Variants in PRRX1 observed in about 807,000 individuals in gnomAD.
PRRX1 encodes paired mesoderm homeobox protein 1.
A neutral mutation model predicts 24.0 loss-of-function variants in PRRX1; 8 were observed. That is an observed-to-expected ratio of 0.33 (90% CI 0.20 to 0.60). PRRX1 has a LOEUF of 0.60. Ranked by LOEUF, PRRX1 falls within the 20% of genes least tolerant of loss-of-function variation. The pLI, the probability that PRRX1 is intolerant of heterozygous loss-of-function variation, is 0.82. For synonymous variants in PRRX1, 160 were observed against 131.7 expected (o/e 1.22, Z -1.47); for missense variants, 281 against 322.4 (o/e 0.87, Z 0.98).
Position 170,736,370 on chromosome 1 carries a change from C to T in PRRX1, c.*184C>T. The T allele has an allele frequency of 1.3e-6, 1 of 754,648 alleles. No homozygotes were observed. The highest frequency in any genetic ancestry group is 2.7e-5 in the Admixed American group (1 of 36,542). 46.7% of individuals were successfully genotyped at this position (754,648 alleles called of 1,614,324 possible). On this transcript the variant is annotated 3_prime_UTR_variant, in exon 4 of 4. Coordinates refer to ENST00000239461, the MANE Select transcript of PRRX1 (RefSeq NM_022716.4). ...GAGGAGCAAAATGAAAATTAGTTAA[C>T]AAATGTTCCTCCTCCCTCTGGGATA...
In PRRX1 at chr1:170,739,055, G is replaced by A. The variant is rs1469518673; in HGVS notation, c.*2869G>A. On this transcript the variant is annotated 3_prime_UTR_variant, in exon 4 of 4. Coordinates refer to ENST00000239461, the MANE Select transcript of PRRX1 (RefSeq NM_022716.4). ...GTTTGGTATGTGATTTGGAAAAGAT[G>A]CCTTCTGGATCTTAAGCCAGTTGTC... 1.4e-5 allele frequency: 3 copies of A among 217,524 alleles called. No individual in the cohort carries two copies. The highest frequency in any genetic ancestry group is 6.8e-5 in the East Asian group (1 of 14,712). 13.5% of individuals were successfully genotyped at this position (217,524 alleles called of 1,614,324 possible).
chr1:170,720,676 G>T (rs1317960799), intron 2 of PRRX1, among the ~76,000 whole-genome samples: 3 of 152,182 alleles, frequency 2.0e-5, no homozygotes, highest in African/African-American at 2.4e-5. Flanking sequence ...AGCACTGATG[G>T]AGTGGGAAAT....
At chr1:170,689,503 C>A (rs1337636081) in intron 1 of PRRX1, among the ~76,000 whole-genome samples, 1 of 152,088 alleles carries the variant, frequency 6.6e-6, no homozygotes, top group Non-Finnish European at 1.5e-5. Context: ...TGAGAACATT[C>A]ATAAAGATGT....
At chr1:170,731,973 G>A (rs1427906354) in intron 3 of PRRX1, among the ~76,000 whole-genome samples, 1 of 152,160 alleles carries the variant, frequency 6.6e-6, no homozygotes, top group Admixed American at 6.5e-5. Context: ...TTTAGCCAAA[G>A]CCTAAAAACT....
intron 1 of PRRX1, among the ~76,000 whole-genome samples, chr1:170,672,818 G>A (rs770194889): frequency 1.3e-5 from 2 of 152,126 alleles, no homozygotes; most frequent in Non-Finnish European, 2.9e-5. Context: ...GTCTTCAAAG[G>A]GATTGTTAGA....
chr1:170,669,471 C>T (rs569793696), intron 1 of PRRX1: 2 of 71,640 alleles, frequency 2.8e-5, no homozygotes, highest in Admixed American at 2.8e-4. Context: ...AGCAGTGATG[C>T]GTTTCTATTC....
intron 1 of PRRX1, among the ~76,000 whole-genome samples, chr1:170,676,273 G>A (rs1653316100): frequency 6.6e-6 from 1 of 151,470 alleles, no homozygotes; most frequent in African/African-American, 2.4e-5. Flanking sequence ...ATTTTTCCTG[G>A]TATGATCGTT....
chr1:170,692,089 T>G (rs1654003287), intron 1 of PRRX1, among the ~76,000 whole-genome samples: 1 of 152,024 alleles, frequency 6.6e-6, no homozygotes, highest in South Asian at 2.1e-4. Flanking sequence ...AAATATAATA[T>G]CAAATGGAAA....
chr1:170,681,496 A>G (rs1653506417), intron 1 of PRRX1, among the ~76,000 whole-genome samples: 1 of 151,112 alleles, frequency 6.6e-6, no homozygotes, highest in Admixed American at 6.6e-5. Context: ...TATCTTTGCA[A>G]AAAAAAAAAC....
intron 1 of PRRX1, among the ~76,000 whole-genome samples, chr1:170,673,088 A>G (rs1386822385): frequency 6.6e-6 from 1 of 152,164 alleles, no homozygotes; most frequent in Non-Finnish European, 1.5e-5. Flanking sequence ...TTCATTTTAT[A>G]ATAGCTAAGT....
At chr1:170,671,097 A>C (rs1488948576) in intron 1 of PRRX1, among the ~76,000 whole-genome samples, 5 of 152,242 alleles carry the variant, frequency 3.3e-5, no homozygotes, top group African/African-American at 9.6e-5. Context: ...TGAATCCCCA[A>C]GATCCGAGTT....
intron 1 of PRRX1, among the ~76,000 whole-genome samples, chr1:170,672,321 A>G (rs1207633935): frequency 6.6e-6 from 1 of 152,182 alleles, no homozygotes; most frequent in East Asian, 1.9e-4. Context: ...CTGGAATAAT[A>G]TATATTTTGT....
intron 1 of PRRX1, among the ~76,000 whole-genome samples, chr1:170,703,213 TA>T (rs1365599194): frequency 1.3e-5 from 2 of 152,258 alleles, no homozygotes; most frequent in Non-Finnish European, 2.9e-5. Flanking sequence ...AAGAAAATTT[TA>T]TAACCTCTGA....
At chr1:170,722,966 G>C (rs1162462005) in intron 2 of PRRX1, among the ~76,000 whole-genome samples, 1 of 152,214 alleles carries the variant, frequency 6.6e-6, no homozygotes, top group Non-Finnish European at 1.5e-5. Flanking sequence ...TAGAGGGCCA[G>C]TGTATGAGGT....
At chr1:170,692,758 C>A (rs560035946) in intron 1 of PRRX1, among the ~76,000 whole-genome samples, 1 of 151,940 alleles carries the variant, frequency 6.6e-6, no homozygotes, top group South Asian at 2.1e-4. Context: ...CACACACACA[C>A]ACACAGACAC....
chr1:170,683,140 G>A lies in PRRX1; in HGVS notation c.241+18681G>A, dbSNP rs144794846. Among the ~76,000 whole-genome samples, 386 of 152,324 alleles carry A rather than the reference G, an allele frequency of 2.5e-3. 2 individuals carry two copies. Among genetic ancestry groups the A allele is most frequent in the African/African-American group, 8.9e-3 (369 of 41,570 alleles). On this transcript the variant is annotated intron_variant, in intron 1 of 3. Transcript: ENST00000239461. ...GGGAAGCCAGGGAGACATTGAAACC[G>A]GAGAGTTTTGTAATGTGATTTATGT...
At chr1:170,734,729 A>G (rs1394664116) in intron 3 of PRRX1, among the ~76,000 whole-genome samples, 1 of 152,126 alleles carries the variant, frequency 6.6e-6, no homozygotes, top group East Asian at 1.9e-4. Context: ...TTAAAGATGT[A>G]TATTTCTGGA....
chr1:170,738,153 A>C lies in PRRX1; in HGVS notation c.*1967A>C, dbSNP rs1298273611. 6 of 220,168 alleles carry C rather than the reference A, an allele frequency of 2.7e-5. No homozygotes were observed. The highest frequency in any genetic ancestry group is 1.1e-4 in the African/African-American group (5 of 44,586). The allele number at this position is 220,168 out of a possible 1,614,324, so 13.6% of individuals were successfully genotyped here. A position where few individuals can be genotyped will look rare whatever the true frequency, so the allele number is the denominator to read the frequency against. ...TTAGTTCTAATAATTTTTAGTTGTGAGTGATTAAAAAACTTTGGATCAATT... is the reference window on the plus strand; with the variant it reads ...TTAGTTCTAATAATTTTTAGTTGTGCGTGATTAAAAAACTTTGGATCAATT... On this transcript the variant is annotated 3_prime_UTR_variant, in exon 4 of 4. Transcript: ENST00000239461.
Position 170,710,506 on chromosome 1 carries a change from A to C in PRRX1, c.242-9220A>C, listed in dbSNP as rs1654711237. ...TAATACATATTTTACAATAAAATAT[A>C]AGGAAATGTGTACAGCTAGTTGTCA... On this transcript the variant is annotated intron_variant, in intron 1 of 3. Coordinates refer to ENST00000239461, the MANE Select transcript of PRRX1 (RefSeq NM_022716.4). 3.3e-5 allele frequency among the ~76,000 whole-genome samples: 5 copies of C among 152,360 alleles called. No homozygotes were observed. In the South Asian group the frequency reaches 1.0e-3, roughly 32 times the overall value.
Sources: allele counts gnomAD v4.1 joint callset (sites outside exome capture counted in the v4.1 genomes callset), GRCh38; gene constraint gnomAD v4.1.1; transcripts MANE v1.5; gene names NCBI Gene and HGNC (gene_info 2026-07-23, HGNC 2026-07-21).